GPC6: variants seen among roughly 807,000 people sequenced by gnomAD.
The protein encoded by GPC6 is glypican 6.
Under a neutral mutation model 55.2 loss-of-function variants are expected in GPC6, and 14 were observed. That is an observed-to-expected ratio of 0.25 (90% CI 0.17 to 0.40). The LOEUF is 0.40. GPC6 is among the 10% of genes least tolerant of loss of function. The probability of loss-of-function intolerance (pLI) is 1.00; values close to 1 mark genes in which losing one functional copy is unlikely to be tolerated. For synonymous variants in GPC6, 278 were observed against 259.6 expected (o/e 1.07, Z -0.68); for missense variants, 641 against 708.5 (o/e 0.90, Z 1.08).
intron 2 of GPC6, among the ~76,000 whole-genome samples, chr13:93,724,388 C>T (rs7982716): frequency 0.95 from 144,703 of 152,128 alleles, 68,874 homozygotes; most frequent in African/African-American, 0.99. Flanking sequence ...ATCATTTCTG[C>T]TGATGAAATC....
At chr13:94,229,325 A>G (rs1038779582) in intron 4 of GPC6, among the ~76,000 whole-genome samples, 1 of 152,142 alleles carries the variant, frequency 6.6e-6, no homozygotes, top group African/African-American at 2.4e-5. Flanking sequence ...TTACTTTCCA[A>G]CACACACACA....
intron 2 of GPC6, among the ~76,000 whole-genome samples, chr13:93,585,071 T>C (rs1223336312): frequency 6.6e-6 from 1 of 152,174 alleles, no homozygotes; most frequent in East Asian, 1.9e-4. Flanking sequence ...TGAAAATATT[T>C]TTTAGCTCAG....
intron 2 of GPC6, among the ~76,000 whole-genome samples, chr13:93,694,697 C>T (rs1267705264): frequency 1.3e-5 from 2 of 152,160 alleles, no homozygotes; most frequent in East Asian, 3.9e-4. Context: ...CACCGCACAA[C>T]TTTATTGAAA....
chr13:93,415,526 C>A (rs72640505), intron 1 of GPC6, among the ~76,000 whole-genome samples: 1,730 of 152,110 alleles, frequency 0.011, 11 homozygotes, highest in Middle Eastern at 0.034. Flanking sequence ...AAGACTATTT[C>A]TCTATGATTA....
chr13:93,530,226 C>A (rs994500223), intron 1 of GPC6, among the ~76,000 whole-genome samples: 1 of 152,140 alleles, frequency 6.6e-6, no homozygotes, highest in African/African-American at 2.4e-5. Flanking sequence ...AATTGCAAAA[C>A]CTGGATCAGT....
chr13:94,389,896 A>AGGCTATCAAGGAGCT (rs1023499605), intron 7 of GPC6, among the ~76,000 whole-genome samples: 3 of 152,110 alleles, frequency 2.0e-5, no homozygotes, highest in African/African-American at 7.2e-5. Context: ...TTCTGGGAGG[A>AGGCTATCAAGGAGCT]GGCTATCAAG....
chr13:94,082,898 G>C (rs1410747), intron 4 of GPC6, among the ~76,000 whole-genome samples: 123,958 of 152,108 alleles, frequency 0.81, 50,712 homozygotes, highest in Middle Eastern at 0.89. Flanking sequence ...GGGCCAGTCT[G>C]TCCACCCAGA....
chr13:93,972,337 C>A (rs950988145), intron 3 of GPC6, among the ~76,000 whole-genome samples: 2 of 152,024 alleles, frequency 1.3e-5, no homozygotes, highest in African/African-American at 2.4e-5. Flanking sequence ...GATCGACAGC[C>A]CTTGCATATA....
rs72640504 is a variant in GPC6, at chr13:93,414,699, T to C, written c.161-130564T>C. Among the ~76,000 whole-genome samples, 853 of 152,190 alleles carry C rather than the reference T, an allele frequency of 5.6e-3. 6 individuals are homozygous for C. The highest frequency in any genetic ancestry group is 9.5e-3 in the Non-Finnish European group (648 of 67,976). On this transcript the variant is annotated intron_variant, in intron 1 of 8. Coordinates refer to ENST00000377047, the MANE Select transcript of GPC6 (RefSeq NM_005708.5). The stretch of plus-strand genomic sequence containing the variant: ...ACGGACAGCAGTTTGGATAGGCGAT[T>C]ACTGTAAAAGATAATGAAGGGTTTG...
At chr13:94,221,153 C>T (rs993700672) in intron 4 of GPC6, among the ~76,000 whole-genome samples, 9 of 152,030 alleles carry the variant, frequency 5.9e-5, no homozygotes, top group African/African-American at 1.7e-4. Context: ...TCTGTATGAC[C>T]CCCATGGAAA....
intron 6 of GPC6, among the ~76,000 whole-genome samples, chr13:94,331,696 G>A (rs1379724052): frequency 6.6e-6 from 1 of 152,132 alleles, no homozygotes; most frequent in Non-Finnish European, 1.5e-5. Flanking sequence ...TATGAGAAAG[G>A]ATCCTAGTAT....
intron 2 of GPC6, among the ~76,000 whole-genome samples, chr13:93,626,499 GC>G (rs1372048494): frequency 2.0e-5 from 3 of 151,948 alleles, no homozygotes; most frequent in African/African-American, 7.3e-5. Context: ...GTCCATTCTT[GC>G]ACTGCTATAA....
intron 2 of GPC6, among the ~76,000 whole-genome samples, chr13:93,807,922 C>A (rs988543223): frequency 2.0e-5 from 3 of 152,152 alleles, no homozygotes; most frequent in African/African-American, 7.2e-5. Context: ...TCTGGGACAT[C>A]GGTCACTCCC....
At chr13:93,494,663 G>T (rs967912178) in intron 1 of GPC6, among the ~76,000 whole-genome samples, 1 of 151,950 alleles carries the variant, frequency 6.6e-6, no homozygotes. Context: ...GGCTGGTACC[G>T]GTTGTTCCTT....
At chr13:94,211,307 G>A (rs1203123782) in intron 4 of GPC6, among the ~76,000 whole-genome samples, 32 of 152,090 alleles carry the variant, frequency 2.1e-4, no homozygotes, top group South Asian at 2.1e-4. Flanking sequence ...ATACTGATTA[G>A]GGTATTTATT....
intron 1 of GPC6, among the ~76,000 whole-genome samples, chr13:93,463,587 CATT>C (rs1194876989): frequency 6.6e-6 from 1 of 152,114 alleles, no homozygotes; most frequent in African/African-American, 2.4e-5. Flanking sequence ...GTAGGTATCT[CATT>C]AGTAATTTTT....
intron 3 of GPC6, among the ~76,000 whole-genome samples, chr13:93,885,683 A>G (rs1344789453): frequency 6.6e-6 from 1 of 152,170 alleles, no homozygotes; most frequent in Non-Finnish European, 1.5e-5. Context: ...ATGGTAATTC[A>G]CTGTAGGTGT....
At chr13:94,386,182 A>AC (rs1217784846) in intron 7 of GPC6, among the ~76,000 whole-genome samples, 4 of 151,874 alleles carry the variant, frequency 2.6e-5, no homozygotes, top group Non-Finnish European at 5.9e-5. Context: ...ACATGGTGAA[A>AC]CCCCGTCTCT....
intron 5 of GPC6, among the ~76,000 whole-genome samples, chr13:94,294,947 G>A (rs1480189113): frequency 6.6e-6 from 1 of 152,122 alleles, no homozygotes; most frequent in African/African-American, 2.4e-5. Flanking sequence ...TCTGCAAAGA[G>A]TCTTCCTAAC....
Sources: allele counts gnomAD v4.1 joint callset (sites outside exome capture counted in the v4.1 genomes callset), GRCh38; gene constraint gnomAD v4.1.1; transcripts MANE v1.5; gene names NCBI Gene and HGNC (gene_info 2026-07-23, HGNC 2026-07-21).